The following MACROD2 variants were observed in gnomAD, a reference collection of about 807,000 sequenced individuals.
MACROD2 encodes mono-ADP ribosylhydrolase 2, also known as ADP-ribose glycohydrolase MACROD2.
MACROD2 carries 36 observed loss-of-function variants against 70.4 expected under a neutral mutation model. The observed-to-expected ratio is 0.51, with a 90% CI of 0.39 to 0.68. MACROD2 has a LOEUF of 0.68. Ranked by LOEUF, MACROD2 falls within the 30% of genes least tolerant of loss-of-function variation. The pLI, the probability that MACROD2 is intolerant of heterozygous loss-of-function variation, is 0.00. For missense variants in MACROD2, 496 were observed against 538.4 expected (o/e 0.92, Z 0.78); for synonymous variants, 172 against 178.8 (o/e 0.96, Z 0.30).
At chr20:14,750,131 C>G (rs2071851068) in intron 5 of MACROD2, among the ~76,000 whole-genome samples, 1 of 152,060 alleles carries the variant, frequency 6.6e-6, no homozygotes, top group African/African-American at 2.4e-5. Flanking sequence ...GAATATTCTT[C>G]TAGTTTTGCA....
intron 3 of MACROD2, among the ~76,000 whole-genome samples, chr20:14,284,131 C>T (rs1304494687): frequency 6.6e-6 from 1 of 152,152 alleles, no homozygotes; most frequent in East Asian, 1.9e-4. Context: ...TGCAAAATGG[C>T]AGTGTCTGTA....
intron 3 of MACROD2, among the ~76,000 whole-genome samples, chr20:14,417,055 TATCTATCTATC>T (rs779128138): frequency 0.015 from 1,121 of 76,666 alleles, 7 homozygotes; most frequent in South Asian, 0.078. Flanking sequence ...ATTATCTATC[TATCTATCTATC>T]ATCTATCTAT....
intron 7 of MACROD2, among the ~76,000 whole-genome samples, chr20:15,457,676 C>T (rs972063745): frequency 6.6e-6 from 1 of 152,096 alleles, no homozygotes; most frequent in African/African-American, 2.4e-5. Flanking sequence ...TAAATCATCC[C>T]CTTTAGTTAC....
intron 3 of MACROD2, among the ~76,000 whole-genome samples, chr20:14,124,059 T>C (rs1409053970): frequency 1.3e-5 from 2 of 152,180 alleles, no homozygotes; most frequent in Non-Finnish European, 2.9e-5. Context: ...TTGAACTATG[T>C]TTTCTTTGCT....
chr20:16,019,810 C>T (rs1466421791), intron 15 of MACROD2, among the ~76,000 whole-genome samples: 1 of 152,180 alleles, frequency 6.6e-6, no homozygotes, highest in Non-Finnish European at 1.5e-5. Flanking sequence ...TCACATTTAA[C>T]AACTCCTGCC....
intron 8 of MACROD2, among the ~76,000 whole-genome samples, chr20:15,597,473 G>T (rs571129626): frequency 6.6e-6 from 1 of 152,246 alleles, no homozygotes; most frequent in Non-Finnish European, 1.5e-5. Flanking sequence ...GTCCAGTAGG[G>T]CTATCCAGAA....
At chr20:14,405,864 A>G (rs2083685673) in intron 3 of MACROD2, among the ~76,000 whole-genome samples, 1 of 152,174 alleles carries the variant, frequency 6.6e-6, no homozygotes, top group Non-Finnish European at 1.5e-5. Flanking sequence ...TATTACATAT[A>G]GGTAGTTTAC....
chr20:15,979,907 C>T (rs955704835), intron 13 of MACROD2, among the ~76,000 whole-genome samples: 2 of 152,074 alleles, frequency 1.3e-5, no homozygotes, highest in African/African-American at 4.8e-5. Flanking sequence ...TCTCAGACAC[C>T]AAGTTGTAGA....
chr20:14,432,550 T>A (rs1169351677), intron 3 of MACROD2, among the ~76,000 whole-genome samples: 2 of 152,158 alleles, frequency 1.3e-5, no homozygotes, highest in African/African-American at 2.4e-5. Flanking sequence ...TATTCTATAA[T>A]ACAGATTGTT....
At chr20:15,594,433 C>T (rs1163663953) in intron 8 of MACROD2, among the ~76,000 whole-genome samples, 1 of 152,162 alleles carries the variant, frequency 6.6e-6, no homozygotes, top group Non-Finnish European at 1.5e-5. Context: ...TCCTCACAGA[C>T]CTGTGGAAGA....
At chr20:14,772,636 G>A (rs2072183783) in intron 5 of MACROD2, among the ~76,000 whole-genome samples, 1 of 152,058 alleles carries the variant, frequency 6.6e-6, no homozygotes, top group African/African-American at 2.4e-5. Context: ...AATTATGGGA[G>A]CTACAAGATG....
intron 6 of MACROD2, among the ~76,000 whole-genome samples, chr20:15,278,231 T>G (rs1342008008): frequency 1.3e-5 from 2 of 152,192 alleles, no homozygotes; most frequent in Non-Finnish European, 2.9e-5. Flanking sequence ...AAAGGAACTG[T>G]GGCAGACTTA....
At chr20:14,388,395 C>T (rs149690668) in intron 3 of MACROD2, among the ~76,000 whole-genome samples, 1 of 152,076 alleles carries the variant, frequency 6.6e-6, no homozygotes, top group African/African-American at 2.4e-5. Context: ...GATGTCACCC[C>T]ACACAGTCAA....
chr20:15,274,960 G>A (rs576567436), intron 6 of MACROD2, among the ~76,000 whole-genome samples: 6 of 152,160 alleles, frequency 3.9e-5, no homozygotes, highest in South Asian at 4.2e-4. Flanking sequence ...GTGGCGAGGC[G>A]TGAGGCATAT....
chr20:15,554,041 G>A (rs964752480), intron 8 of MACROD2, among the ~76,000 whole-genome samples: 2 of 152,226 alleles, frequency 1.3e-5, no homozygotes. Flanking sequence ...AAAAATAAGG[G>A]AGAGGGCTAT....
chr20:14,350,351 G>A (rs1403353177), intron 3 of MACROD2, among the ~76,000 whole-genome samples: 2 of 152,040 alleles, frequency 1.3e-5, no homozygotes, highest in Non-Finnish European at 2.9e-5. Flanking sequence ...CACCAACAGT[G>A]TATGATGGTT....
intron 3 of MACROD2, among the ~76,000 whole-genome samples, chr20:14,486,728 A>C (rs548352080): frequency 1.3e-5 from 2 of 152,072 alleles, no homozygotes; most frequent in South Asian, 4.2e-4. Context: ...CATGTTAGCC[A>C]GGGTGGTCTC....
At chr20:14,765,568 A>C (rs2072076053) in intron 5 of MACROD2, among the ~76,000 whole-genome samples, 1 of 152,100 alleles carries the variant, frequency 6.6e-6, no homozygotes, top group Admixed American at 6.5e-5. Context: ...AGTGGTGGTG[A>C]GAATAGAACC....
intron 5 of MACROD2, among the ~76,000 whole-genome samples, chr20:15,075,516 C>T (rs2075651045): frequency 6.6e-6 from 1 of 152,102 alleles, no homozygotes; most frequent in African/African-American, 2.4e-5. Context: ...AAATCAGTTC[C>T]TTGTAAATTC....
Sources: gnomAD v4.1 joint callset for allele counts (sites outside exome capture counted in the v4.1 genomes callset) on GRCh38, gnomAD v4.1.1 for gene constraint, MANE v1.5 for transcripts, NCBI Gene and HGNC (gene_info 2026-07-23, HGNC 2026-07-21) for gene names.